Variants in NKAIN2 observed in about 807,000 individuals in gnomAD.
NKAIN2 encodes the protein sodium/potassium transporting ATPase interacting 2.
NKAIN2 carries 14 observed loss-of-function variants against 32.6 expected under a neutral mutation model. That is an observed-to-expected ratio of 0.43 (90% CI 0.28 to 0.67). The LOEUF is 0.67. NKAIN2 is among the 30% of genes least tolerant of loss of function. The pLI, the probability that NKAIN2 is intolerant of heterozygous loss-of-function variation, is 0.17. For missense variants in NKAIN2, 198 were observed against 258.3 expected, an observed-to-expected ratio of 0.77 and a Z score of 1.60; for synonymous variants, 80 against 87.2, an observed-to-expected ratio of 0.92 and a Z score of 0.46.
chr6:124,153,164 C>T (rs1405615627), intron 1 of NKAIN2, among the ~76,000 whole-genome samples: 1 of 151,674 alleles, frequency 6.6e-6, no homozygotes, highest in Non-Finnish European at 1.5e-5. Flanking sequence ...GCACACAACA[C>T]CAAAAAAGAT....
Position 124,457,973 on chromosome 6 carries a change from C to T in NKAIN2, c.273+102626C>T, listed in dbSNP as rs182723000. On this transcript the variant is annotated intron_variant, in intron 3 of 6. Transcript: ENST00000368417. ...ATATTGCAAGATGCTAAAGAGATTG[C>T]TTTGTTATTTTTTAGATAATGACTA... Among the ~76,000 whole-genome samples the T allele has an allele frequency of 5.3e-4, 81 of 151,946 alleles. 1 individual carries two copies. The East Asian group carries it at 0.011, about 22-fold the overall frequency.
At chr6:124,198,271 C>T (rs1019016087) in intron 1 of NKAIN2, among the ~76,000 whole-genome samples, 8 of 151,890 alleles carry the variant, frequency 5.3e-5, no homozygotes, top group Admixed American at 1.3e-4. Flanking sequence ...TTAGTGCTTA[C>T]GTCCTTATTT....
Position 124,750,534 on chromosome 6 carries a change from T to TGGAC in NKAIN2, c.475-40802_475-40801insCGGA, listed in dbSNP as rs569016027. ...ATGGATGGATGGATGGATGGATGGATGGATGGATGGATATGAGATAAATGT... is the reference window on the plus strand; with the variant it reads ...ATGGATGGATGGATGGATGGATGGATGGACGGATGGATGGATATGAGATAAATGT... On this transcript the variant is annotated intron_variant, in intron 4 of 6. Coordinates refer to ENST00000368417, the MANE Select transcript of NKAIN2 (RefSeq NM_001040214.3). Among the ~76,000 whole-genome samples the TGGAC allele has an allele frequency of 4.6e-3, 692 of 151,432 alleles. 11 individuals are homozygous for TGGAC. Among genetic ancestry groups the TGGAC allele is most frequent in the Non-Finnish European group, 6.2e-3 (423 of 67,722 alleles).
chr6:124,337,909 G>A (rs559201636), intron 2 of NKAIN2, among the ~76,000 whole-genome samples: 1 of 152,204 alleles, frequency 6.6e-6, no homozygotes, highest in Admixed American at 6.5e-5. Context: ...AGAGTCCTTG[G>A]GTTAGTCACT....
rs1430182550 is a variant in NKAIN2 at position 124,178,084 on chromosome 6, A to AGTT, written c.55-104921_55-104920insGTT. On this transcript the variant is annotated intron_variant, in intron 1 of 6. Transcript: ENST00000368417. ...AGGCGTGAGCCACCGCGCCCGGCCA[A>AGTT]TCTGTTCATCCATTTTACCATGTGA... Among the ~76,000 whole-genome samples, 8 of 2,264 alleles carry AGTT rather than the reference A, an allele frequency of 3.5e-3. 4 individuals are homozygous for AGTT. The highest frequency in any genetic ancestry group is 0.25 in the Middle Eastern group (2 of 8). 1.5% of individuals were successfully genotyped at this position (2,264 alleles called of 152,430 possible).
chr6:124,672,130 G>A (rs1017846062), intron 4 of NKAIN2, among the ~76,000 whole-genome samples: 9 of 151,980 alleles, frequency 5.9e-5, no homozygotes, highest in Non-Finnish European at 7.4e-5. Context: ...ACATTTCATA[G>A]TACTTTCAGA....
At chr6:124,220,376 T>C (rs1355078155) in intron 1 of NKAIN2, among the ~76,000 whole-genome samples, 1 of 152,146 alleles carries the variant, frequency 6.6e-6, no homozygotes, top group Non-Finnish European at 1.5e-5. Flanking sequence ...TACCTAGTCT[T>C]GGGCACTATC....
chr6:123,923,218 C>T (rs1394577781), intron 1 of NKAIN2, among the ~76,000 whole-genome samples: 1 of 152,076 alleles, frequency 6.6e-6, no homozygotes, highest in Non-Finnish European at 1.5e-5. Context: ...TTTGAGGAAA[C>T]AACTTATTGA....
intron 3 of NKAIN2, among the ~76,000 whole-genome samples, chr6:124,569,270 G>C (rs551700433): frequency 2.4e-3 from 369 of 152,256 alleles, no homozygotes; most frequent in African/African-American, 8.7e-3. Context: ...GATTGAGATA[G>C]ATGCCATCTG....
intron 2 of NKAIN2, among the ~76,000 whole-genome samples, chr6:124,301,568 G>T (rs112998054): frequency 6.6e-6 from 1 of 152,150 alleles, no homozygotes; most frequent in Non-Finnish European, 1.5e-5. Context: ...CCCTGAAAGC[G>T]GCTAGGAGGG....
chr6:124,227,318 G>T (rs1792172483), intron 1 of NKAIN2, among the ~76,000 whole-genome samples: 1 of 152,040 alleles, frequency 6.6e-6, no homozygotes, highest in Non-Finnish European at 1.5e-5. Flanking sequence ...CTTTTTCTAT[G>T]AAATGGTTCA....
At chr6:124,611,042 T>C (rs1388816985) in intron 3 of NKAIN2, among the ~76,000 whole-genome samples, 1 of 152,132 alleles carries the variant, frequency 6.6e-6, no homozygotes, top group African/African-American at 2.4e-5. Context: ...CTTAGAAAAA[T>C]TTAGAGAACA....
chr6:124,355,324 T>C lies in NKAIN2; in HGVS notation c.250T>C (p.Leu84=). 6.2e-7 allele frequency: 1 copy of C among 1,609,292 alleles called. No homozygotes were observed. Among genetic ancestry groups the C allele is most frequent in the South Asian group, 1.1e-5 (1 of 90,954 alleles). ...TWNVFVICFY[L]EAGDLSKETD... is the part of the protein sequence containing the mutation. ...GAATGTGTTTGTTATCTGCTTCTAT[T>C]TGGAGGCTGGGGACCTCTCAAAGGT... The change falls in exon 3 of 7, where the codon TTG becomes CTG. Residue 84 remains leucine (L), a synonymous_variant. Transcript: ENST00000368417.
intron 1 of NKAIN2, among the ~76,000 whole-genome samples, chr6:123,938,569 TTA>T (rs1016649921): frequency 3.6e-5 from 5 of 139,106 alleles, no homozygotes; most frequent in African/African-American, 7.8e-5. Context: ...TTTTTATATA[TTA>T]TATATATTTA....
intron 3 of NKAIN2, among the ~76,000 whole-genome samples, chr6:124,470,396 G>A (rs1776925547): frequency 6.6e-6 from 1 of 152,122 alleles, no homozygotes; most frequent in African/African-American, 2.4e-5. Context: ...GCAGTGTGGA[G>A]GAATGATGGG....
intron 1 of NKAIN2, among the ~76,000 whole-genome samples, chr6:124,255,529 A>G (rs1211811743): frequency 6.6e-6 from 1 of 152,186 alleles, no homozygotes; most frequent in Non-Finnish European, 1.5e-5. Flanking sequence ...TGATCCATCT[A>G]TTTCGCGGAG....
At chr6:124,794,809 C>T (rs2114815839) in intron 5 of NKAIN2, 1 of 791,348 alleles carries the variant, frequency 1.3e-6, no homozygotes, top group African/African-American at 1.9e-5. Context: ...TTGATATTCT[C>T]TGTATGTAAT....
intron 1 of NKAIN2, among the ~76,000 whole-genome samples, chr6:123,815,659 A>G (rs1407768659): frequency 3.3e-5 from 5 of 152,060 alleles, no homozygotes; most frequent in Admixed American, 3.3e-4. Context: ...ATAAATTCTT[A>G]ATTTTTTTTG....
intron 1 of NKAIN2, among the ~76,000 whole-genome samples, chr6:124,040,717 T>C (rs1781831386): frequency 6.6e-6 from 1 of 152,016 alleles, no homozygotes; most frequent in Non-Finnish European, 1.5e-5. Context: ...TATATATGCA[T>C]GTGGCTCTTC....
Sources: gnomAD v4.1 joint callset for allele counts (sites outside exome capture counted in the v4.1 genomes callset) on GRCh38, gnomAD v4.1.1 for gene constraint, MANE v1.5 for transcripts, NCBI Gene and HGNC (gene_info 2026-07-23, HGNC 2026-07-21) for gene names.